The following EPHB1 variants were observed in gnomAD, a reference collection of about 807,000 sequenced individuals.
EPHB1 encodes ephrin type-B receptor 1.
In EPHB1, 30 loss-of-function variants were observed where a neutral mutation model predicts 94.4. That is an observed-to-expected ratio of 0.32 (90% CI 0.24 to 0.43). The LOEUF (loss-of-function observed/expected upper bound fraction) is 0.43. Among genes scored for constraint, EPHB1 ranks in the 20% least tolerant of loss-of-function variants. EPHB1 has a pLI of 1.00. For missense variants in EPHB1, 1,055 were observed against 1,308.3 expected (o/e 0.81, Z 2.99); for synonymous variants, 522 against 489.1 (o/e 1.07, Z -0.89).
chr3:134,911,093 C>G (rs2095448398), intron 1 of EPHB1, among the ~76,000 whole-genome samples: 1 of 152,188 alleles, frequency 6.6e-6, no homozygotes. Context: ...GGAAAAGGGA[C>G]CAGACTTCCA....
At chr3:135,191,461 C>A (rs1317332120) in intron 10 of EPHB1, among the ~76,000 whole-genome samples, 1 of 152,216 alleles carries the variant, frequency 6.6e-6, no homozygotes, top group African/African-American at 2.4e-5. Flanking sequence ...TTTGCTCCAT[C>A]ATTTTCTTCC....
At chr3:134,934,567 C>T (rs957620641) in intron 2 of EPHB1, among the ~76,000 whole-genome samples, 3 of 152,144 alleles carry the variant, frequency 2.0e-5, no homozygotes, top group Non-Finnish European at 2.9e-5. Context: ...TTTTTATGGG[C>T]ATGTGTATGC....
rs184338325 is a variant in EPHB1, at chr3:134,965,372, A to T, written c.805+13320A>T. On this transcript the variant is annotated intron_variant, in intron 3 of 15. Coordinates refer to ENST00000398015, the MANE Select transcript of EPHB1 (RefSeq NM_004441.5). ...TTCCCCTGCTCTACCTACCCTGCCT[A>T]TCTCTGCCTACCTACCCTGCCCACT... 1.2e-3 allele frequency among the ~76,000 whole-genome samples: 184 copies of T among 152,124 alleles called. 1 individual carries two copies. Among genetic ancestry groups the T allele is most frequent in the Admixed American group, 9.2e-3 (141 of 15,280 alleles).
In EPHB1 at chr3:135,259,155, A is replaced by T; in HGVS notation, c.*35A>T. 1 of 1,542,056 alleles carries T rather than the reference A, an allele frequency of 6.5e-7. No homozygotes were observed. Among genetic ancestry groups the T allele is most frequent in the Non-Finnish European group, 8.9e-7 (1 of 1,128,342 alleles). On this transcript the variant is annotated 3_prime_UTR_variant, in exon 16 of 16. Transcript: ENST00000398015. ...TTTCTTGGGGAAGGAGAGGAGGGAA[A>T]AGGACCAGGGTCAAGGGGGACCAGA...
chr3:134,861,118 G>A (rs1402549413), intron 1 of EPHB1, among the ~76,000 whole-genome samples: 1 of 152,196 alleles, frequency 6.6e-6, no homozygotes, highest in Non-Finnish European at 1.5e-5. Flanking sequence ...GTCTACAGAT[G>A]TTGGAATCAT....
chr3:134,923,535 T>G (rs950863695), intron 1 of EPHB1, among the ~76,000 whole-genome samples: 4 of 152,184 alleles, frequency 2.6e-5, no homozygotes, highest in African/African-American at 9.7e-5. Context: ...GTGGGGCCAT[T>G]GGCCACTCCC....
chr3:135,224,454 T>C (rs1943347845), intron 12 of EPHB1, among the ~76,000 whole-genome samples: 1 of 152,356 alleles, frequency 6.6e-6, no homozygotes. Context: ...TTGAAACACC[T>C]GATGTCCATC....
At chr3:135,182,914 G>A (rs980164253) in intron 10 of EPHB1, among the ~76,000 whole-genome samples, 2 of 151,946 alleles carry the variant, frequency 1.3e-5, no homozygotes, top group African/African-American at 4.8e-5. Context: ...TCATGGGAAT[G>A]GGCAAATGCT....
chr3:135,139,175 C>A (rs1422646070), intron 5 of EPHB1, among the ~76,000 whole-genome samples: 1 of 152,160 alleles, frequency 6.6e-6, no homozygotes, highest in Non-Finnish European at 1.5e-5. Context: ...GAGAATGTGT[C>A]CTGGTGACCC....
chr3:135,162,902 C>G (rs1290032265), intron 7 of EPHB1, among the ~76,000 whole-genome samples: 8 of 152,200 alleles, frequency 5.3e-5, no homozygotes, highest in African/African-American at 1.9e-4. Flanking sequence ...CACTTTCTCT[C>G]TCTTAGCTAG....
intron 12 of EPHB1, among the ~76,000 whole-genome samples, chr3:135,230,216 G>GC (rs1175807529): frequency 2.0e-5 from 3 of 152,166 alleles, no homozygotes; most frequent in East Asian, 3.9e-4. Context: ...AACCCTTCTT[G>GC]CCCCCTGTTC....
chr3:134,889,734 C>A (rs1380839795), intron 1 of EPHB1, among the ~76,000 whole-genome samples: 4 of 151,708 alleles, frequency 2.6e-5, no homozygotes, highest in Non-Finnish European at 5.9e-5. Flanking sequence ...CTGGTGTGCA[C>A]TGGCGCGATC....
chr3:134,894,487 C>T lies in EPHB1; in HGVS notation c.59-31329C>T, dbSNP rs117746676. ...TCAGCCTCCAGGACAGGTTGCACCT[C>T]GTGTGCCCATTTCTTCTCTGAAAGC... On this transcript the variant is annotated intron_variant, in intron 1 of 15. Coordinates refer to ENST00000398015, the MANE Select transcript of EPHB1 (RefSeq NM_004441.5). Among the ~76,000 whole-genome samples, 36 of 152,356 alleles carry T rather than the reference C, an allele frequency of 2.4e-4. No individual in the cohort carries two copies. In the East Asian group the frequency reaches 6.4e-3, roughly 27 times the overall value.
chr3:134,850,578 G>T (rs2036959557), intron 1 of EPHB1, among the ~76,000 whole-genome samples: 1 of 152,212 alleles, frequency 6.6e-6, no homozygotes, highest in Non-Finnish European at 1.5e-5. Flanking sequence ...GGGGAAGTGT[G>T]GGGCAGGAAG....
intron 2 of EPHB1, among the ~76,000 whole-genome samples, chr3:134,926,608 T>A (rs936842986): frequency 3.3e-5 from 5 of 152,126 alleles, no homozygotes; most frequent in Admixed American, 6.5e-5. Flanking sequence ...GGGAAGAGTC[T>A]GTGTGTATGG....
chr3:135,048,259 C>CTTTTTTTTTTTTTTTTTTTTTTTTTTT (rs34135757), intron 3 of EPHB1, among the ~76,000 whole-genome samples: 2 of 55,202 alleles, frequency 3.6e-5, no homozygotes, highest in African/African-American at 7.2e-5. Context: ...TTTCTTTTTT[C>CTTTTTTTTTTTTTTTTTTTTTTTTTTT]TTTTTTTTTT....
At chr3:134,945,101 T>C (rs747185121) in intron 2 of EPHB1, among the ~76,000 whole-genome samples, 4 of 152,236 alleles carry the variant, frequency 2.6e-5, no homozygotes, top group African/African-American at 9.6e-5. Context: ...ATTTTCTATC[T>C]TGTTATTGAC....
chr3:135,084,803 G>T (rs1191465586), intron 3 of EPHB1, among the ~76,000 whole-genome samples: 1 of 152,198 alleles, frequency 6.6e-6, no homozygotes, highest in Non-Finnish European at 1.5e-5. Flanking sequence ...GCTTACAAAA[G>T]TCAAAGTATC....
intron 3 of EPHB1, among the ~76,000 whole-genome samples, chr3:134,960,341 G>T (rs1051394027): frequency 6.6e-6 from 1 of 151,982 alleles, no homozygotes; most frequent in Admixed American, 6.6e-5. Flanking sequence ...CAGGCATGTT[G>T]AGAGAGGTGC....
Sources: allele counts gnomAD v4.1 joint callset (sites outside exome capture counted in the v4.1 genomes callset), GRCh38; gene constraint gnomAD v4.1.1; transcripts MANE v1.5; gene names NCBI Gene and HGNC (gene_info 2026-07-23, HGNC 2026-07-21).